Variants in KCNH7 observed in about 807,000 individuals in gnomAD.
KCNH7 encodes the protein potassium voltage-gated channel subfamily H member 7.
A neutral mutation model predicts 120.8 loss-of-function variants in KCNH7; 49 were observed. The ratio of observed to expected loss-of-function variants is 0.41; its 90% CI spans 0.32 to 0.51. The LOEUF (loss-of-function observed/expected upper bound fraction) is 0.51, where lower values mean the gene tolerates loss of function less well. KCNH7 is among the 20% of genes least tolerant of loss of function. The pLI, the probability that KCNH7 is intolerant of heterozygous loss-of-function variation, is 0.38. For missense variants in KCNH7, 1,097 were observed against 1,446.6 expected (o/e 0.76, Z 3.92); for synonymous variants, 547 against 516.1 (o/e 1.06, Z -0.81).
At chr2:162,470,610 C>T (rs574067318) in intron 6 of KCNH7, among the ~76,000 whole-genome samples, 26 of 151,504 alleles carry the variant, frequency 1.7e-4, no homozygotes, top group South Asian at 1.7e-3. Flanking sequence ...CCGCCCCATC[C>T]GGGAGGGAGG....
In KCNH7 at chr2:162,394,465, T is replaced by C. The variant is rs545931305; in HGVS notation, c.2634A>G (p.Gln878=). Residue 878 remains glutamine (Q), a synonymous_variant, in exon 12 of 16, where the codon CAA becomes CAG. Transcript: ENST00000332142. ...ESAKADLLRS[Q]SMNDSEGDNC... is the part of the protein sequence containing the mutation. ...TGTCTCCTTCTGAATCATTCATGGA[T>C]TGTGATCGTAGGAGATCAGCCTTTG... 19 of 1,604,036 alleles carry C rather than the reference T, an allele frequency of 1.2e-5. No individual in the cohort carries two copies. In the Admixed American group the frequency reaches 1.7e-4, roughly 14 times the overall value.
chr2:162,748,113 G>A (rs756379107), intron 2 of KCNH7, among the ~76,000 whole-genome samples: 2 of 152,114 alleles, frequency 1.3e-5, no homozygotes, highest in South Asian at 2.1e-4. Flanking sequence ...ACTAAACACG[G>A]TTTATGTAGA....
At chr2:162,378,659 A>G (rs1386206348) in intron 14 of KCNH7, among the ~76,000 whole-genome samples, 1 of 152,214 alleles carries the variant, frequency 6.6e-6, no homozygotes, top group Non-Finnish European at 1.5e-5. Context: ...ATAGAGATGG[A>G]AAGAACAAAT....
chr2:162,494,520 T>C (rs1309645844), intron 6 of KCNH7, among the ~76,000 whole-genome samples: 4 of 152,148 alleles, frequency 2.6e-5, no homozygotes, highest in African/African-American at 4.8e-5. Context: ...AATAAGTGTA[T>C]ATGTTCCAAA....
rs77134165 is a variant in KCNH7, at chr2:162,536,434, G to T, written c.463+491C>A. On this transcript the variant is annotated intron_variant, in intron 3 of 15. Coordinates refer to ENST00000332142, the MANE Select transcript of KCNH7 (RefSeq NM_033272.4). ...TAGTTGAGAAAACGGATTCTGACACGCTTTGTTGGCATAGTTTTGGGGAAA... is the reference window on the plus strand; with the variant it reads ...TAGTTGAGAAAACGGATTCTGACACTCTTTGTTGGCATAGTTTTGGGGAAA... Among the ~76,000 whole-genome samples the T allele has an allele frequency of 3.8e-3, 576 of 151,986 alleles. 5 individuals carry two copies. The highest frequency in any genetic ancestry group is 0.013 in the African/African-American group (521 of 41,524).
In KCNH7 at chr2:162,396,919, C is replaced by G; in HGVS notation, c.2434G>C (p.Val812Leu). The change falls in exon 11 of 16, where the codon GTT (valine) becomes CTT (leucine). Residue 812 changes from valine to leucine, a missense_variant. Transcript: ENST00000332142. The stretch of plus-strand genomic sequence containing the variant: ...TTTCCAGGTTTGGCATAAAGATGAA[C>G]CATTTCTCCAAATATATCATTTTTT... The part of the protein sequence containing the change: ...LGKNDIFGEM[V>L]HLYAKPGKSN... 1 of 1,609,214 alleles carries G rather than the reference C, an allele frequency of 6.2e-7. No individual in the cohort carries two copies. The highest frequency in any genetic ancestry group is 8.5e-7 in the Non-Finnish European group (1 of 1,176,808).
chr2:162,518,204 T>C, intron 3 of KCNH7, 46 bp from the exon 4 acceptor site: 1 of 1,372,866 alleles, frequency 7.3e-7, no homozygotes. Context: ...GCAAATGATA[T>C]ATCCTGTAAC....
chr2:162,544,696 C>T (rs1035117893), intron 2 of KCNH7, among the ~76,000 whole-genome samples: 1 of 152,048 alleles, frequency 6.6e-6, no homozygotes, highest in Admixed American at 6.6e-5. Context: ...TTTCTTGCAG[C>T]CTTGTCCATT....
intron 2 of KCNH7, among the ~76,000 whole-genome samples, chr2:162,679,315 A>G (rs1574256632): frequency 6.6e-6 from 1 of 151,658 alleles, no homozygotes; most frequent in East Asian, 1.9e-4. Flanking sequence ...TAATATTCTA[A>G]TATTTTCAGG....
chr2:162,640,755 G>T (rs1239865224), intron 2 of KCNH7, among the ~76,000 whole-genome samples: 1 of 151,946 alleles, frequency 6.6e-6, no homozygotes, highest in Non-Finnish European at 1.5e-5. Context: ...ATATAGTGTG[G>T]GAGAAAATAT....
At chr2:162,750,616 T>C (rs776220644) in intron 2 of KCNH7, among the ~76,000 whole-genome samples, 1 of 152,160 alleles carries the variant, frequency 6.6e-6, no homozygotes, top group African/African-American at 2.4e-5. Context: ...TAGAGATAAT[T>C]TACAGAGGTA....
intron 5 of KCNH7, 121 bp from the exon 6 acceptor site, chr2:162,504,778 C>T (rs1690813916): frequency 4.5e-6 from 3 of 663,978 alleles, no homozygotes; most frequent in Admixed American, 5.3e-5. Context: ...TGACTGAATG[C>T]AGCCAGCTTA....
intron 6 of KCNH7, among the ~76,000 whole-genome samples, chr2:162,458,324 T>C (rs760262812): frequency 2.0e-5 from 3 of 152,182 alleles, no homozygotes; most frequent in Non-Finnish European, 4.4e-5. Context: ...ATTTACAAAT[T>C]ACTTCAAATA....
intron 6 of KCNH7, among the ~76,000 whole-genome samples, chr2:162,454,352 A>G (rs1397016656): frequency 1.3e-5 from 2 of 152,178 alleles, no homozygotes; most frequent in Non-Finnish European, 2.9e-5. Context: ...TGGTTACTGT[A>G]GCCATGTAGC....
intron 14 of KCNH7, 89 bp downstream of exon 14, chr2:162,379,764 G>T: frequency 8.0e-7 from 1 of 1,242,478 alleles, no homozygotes; most frequent in Non-Finnish European, 1.1e-6. Flanking sequence ...TGAGATCATG[G>T]CAAGGAGAAT....
chr2:162,431,292 T>C (rs1036223311), intron 8 of KCNH7, among the ~76,000 whole-genome samples: 1 of 152,024 alleles, frequency 6.6e-6, no homozygotes, highest in Non-Finnish European at 1.5e-5. Flanking sequence ...ACAATAGTTG[T>C]AATTAGCACA....
intron 9 of KCNH7, among the ~76,000 whole-genome samples, chr2:162,407,814 C>T (rs1249939843): frequency 6.6e-6 from 1 of 151,940 alleles, no homozygotes; most frequent in Non-Finnish European, 1.5e-5. Context: ...TGTAGATGAC[C>T]TTAGCTTGCC....
chr2:162,776,351 T>C (rs577292302), intron 2 of KCNH7, among the ~76,000 whole-genome samples: 21 of 152,260 alleles, frequency 1.4e-4, no homozygotes, highest in African/African-American at 4.8e-4. Context: ...CAAATCAGTT[T>C]CTCTCTGTTA....
intron 8 of KCNH7, among the ~76,000 whole-genome samples, chr2:162,425,721 T>A (rs778629316): frequency 6.6e-6 from 1 of 152,130 alleles, no homozygotes; most frequent in Non-Finnish European, 1.5e-5. Flanking sequence ...ACCTAAACCA[T>A]CACATGATCA....
Sources: allele counts gnomAD v4.1 joint callset (sites outside exome capture counted in the v4.1 genomes callset), GRCh38; gene constraint gnomAD v4.1.1; transcripts MANE v1.5; gene names NCBI Gene and HGNC (gene_info 2026-07-23, HGNC 2026-07-21).